Variants in SPAG1 observed in about 807,000 individuals in gnomAD.
SPAG1 encodes the protein sperm-associated antigen 1.
Under a neutral mutation model 100.5 loss-of-function variants are expected in SPAG1, and 69 were observed. The ratio of observed to expected loss-of-function variants is 0.69; its 90% CI spans 0.57 to 0.84. The LOEUF (loss-of-function observed/expected upper bound fraction) is 0.84. Among genes scored for constraint, SPAG1 ranks in the 40% least tolerant of loss-of-function variants. SPAG1 has a pLI of 0.00. For missense variants in SPAG1, 955 were observed against 1,133.1 expected, an observed-to-expected ratio of 0.84 and a Z score of 2.26; for synonymous variants, 336 against 411.6, an observed-to-expected ratio of 0.82 and a Z score of 2.22.
At chr8:100,201,768 C>T (rs547856185) in intron 10 of SPAG1, among the ~76,000 whole-genome samples, 2 of 152,244 alleles carry the variant, frequency 1.3e-5, no homozygotes, top group East Asian at 1.9e-4. Context: ...CTGCCACATA[C>T]TCTGAGGGAA....
chr8:100,205,169 A>C (rs1817453939), intron 10 of SPAG1, among the ~76,000 whole-genome samples: 1 of 152,236 alleles, frequency 6.6e-6, no homozygotes, highest in South Asian at 2.1e-4. Flanking sequence ...GCCAGTTTGC[A>C]GACCCAGAAC....
rs1197555183 is a variant in SPAG1, at chr8:100,194,116, C to A, written c.944C>A (p.Thr315Asn). The part of the protein sequence containing the change: ...VEPDNDLAKK[T>N]LSEVERDLKN... Reference sequence around the variant, plus strand: ...AATATGGTAATTATGTTGCAGAAAACCTTGTCAGAGGTTGAAAGAGATCTG... The same window carrying A: ...AATATGGTAATTATGTTGCAGAAAAACTTGTCAGAGGTTGAAAGAGATCTG... The change falls in exon 10 of 19, where the codon ACC becomes AAC. Residue 315 changes from threonine (T) to asparagine (N), a missense_variant. Physicochemically the swap from Thr to Asn is moderately conservative, Grantham distance 65 (BLOSUM62 0). Transcript: ENST00000388798. 2.6e-6 allele frequency: 4 copies of A among 1,510,560 alleles called. No individual in the cohort carries two copies. The highest frequency in any genetic ancestry group is 3.6e-6 in the Non-Finnish European group (4 of 1,119,362). 93.6% of individuals were successfully genotyped at this position (1,510,560 alleles called of 1,614,324 possible).
chr8:100,161,268 A>G (rs956138260), intron 1 of SPAG1, among the ~76,000 whole-genome samples: 13 of 152,144 alleles, frequency 8.5e-5, no homozygotes, highest in African/African-American at 3.1e-4. Flanking sequence ...CACCGAGTCC[A>G]GAAGGTCAGG....
intron 2 of SPAG1, among the ~76,000 whole-genome samples, chr8:100,164,143 T>G (rs2132191317): frequency 6.6e-6 from 1 of 152,310 alleles, no homozygotes; most frequent in Non-Finnish European, 1.5e-5. Context: ...GTGTTTTGTT[T>G]AAGCTGTTTA....
intron 12 of SPAG1, among the ~76,000 whole-genome samples, chr8:100,216,405 A>C (rs1817987862): frequency 6.6e-6 from 1 of 152,284 alleles, no homozygotes; most frequent in African/African-American, 2.4e-5. Flanking sequence ...AGATCCTCTA[A>C]GGTGATTAAC....
intron 4 of SPAG1, among the ~76,000 whole-genome samples, chr8:100,182,054 T>C (rs1816390113): frequency 6.6e-6 from 1 of 152,208 alleles, no homozygotes; most frequent in Non-Finnish European, 1.5e-5. Flanking sequence ...AGAATGAAGA[T>C]ATGTAATAGT....
intron 3 of SPAG1, among the ~76,000 whole-genome samples, chr8:100,176,435 G>A (rs149968518): frequency 1.3e-5 from 2 of 150,198 alleles, no homozygotes; most frequent in East Asian, 2.0e-4. Context: ...GTGCAATCTC[G>A]GCTCGCTACA....
In SPAG1 at chr8:100,241,146, C is replaced by G. The variant is rs137881115; in HGVS notation, c.*124C>G. On this transcript the variant is annotated 3_prime_UTR_variant, in exon 19 of 19. Coordinates refer to ENST00000388798, the MANE Select transcript of SPAG1 (RefSeq NM_003114.5). This position sits in a 1 kb window ranked among gnomAD's most constrained non-coding sequence, Gnocchi z 5.1. The stretch of plus-strand genomic sequence containing the variant: ...GAAAAGTTTGGTCTGCACTATAAAA[C>G]ATTTTACTTATTTTCCTACATAGAA... 2.6e-3 allele frequency: 2,059 copies of G among 803,760 alleles called. 11 individuals are homozygous for G. The highest frequency in any genetic ancestry group is 0.013 in the Middle Eastern group (35 of 2,770). 49.8% of individuals were successfully genotyped at this position (803,760 alleles called of 1,614,324 possible).
chr8:100,214,841 C>T (rs1367637022), intron 12 of SPAG1, among the ~76,000 whole-genome samples: 1 of 151,364 alleles, frequency 6.6e-6, no homozygotes, highest in Admixed American at 6.6e-5. Context: ...TTAGCTGGGC[C>T]TGGTGGCATA....
In SPAG1 at chr8:100,241,198, A is replaced by G. The variant is rs1819257959; in HGVS notation, c.*176A>G. 6 of 453,244 alleles carry G rather than the reference A, an allele frequency of 1.3e-5. No homozygotes were observed. In the Admixed American group the frequency reaches 2.0e-4, roughly 15 times the overall value. 28.1% of individuals were successfully genotyped at this position (453,244 alleles called of 1,614,324 possible). A position where few individuals can be genotyped will look rare whatever the true frequency, so the allele number is the denominator to read the frequency against. The stretch of plus-strand genomic sequence containing the variant: ...ATGTATATTCTACAATCTGCTTTTT[A>G]TTAGTTGTAAATATTTTCTTATGTA... On this transcript the variant is annotated 3_prime_UTR_variant, in exon 19 of 19. Coordinates refer to ENST00000388798, the MANE Select transcript of SPAG1 (RefSeq NM_003114.5). The surrounding 1 kb of genome is among the most constrained non-coding windows in gnomAD (Gnocchi z 5.1).
At chr8:100,232,329 C>G (rs954218532) in intron 15 of SPAG1, among the ~76,000 whole-genome samples, 1 of 152,088 alleles carries the variant, frequency 6.6e-6, no homozygotes, top group Non-Finnish European at 1.5e-5. Context: ...CCCTAGAATT[C>G]TCATAGTTCT....
At chr8:100,165,691 TG>T in intron 2 of SPAG1, 122 bp from the exon 3 acceptor site, 1 of 653,182 alleles carries the variant, frequency 1.5e-6, no homozygotes, top group Non-Finnish European at 2.6e-6. Flanking sequence ...GGAAAGAGAC[TG>T]GGAAGCAGCC....
intron 3 of SPAG1, 52 bp downstream of exon 3, chr8:100,166,025 G>T: frequency 6.9e-7 from 1 of 1,457,496 alleles, no homozygotes; most frequent in Non-Finnish European, 9.4e-7. Flanking sequence ...TTCTATATAT[G>T]TTTACTTCAC....
At chr8:100,200,388 A>G (rs1285332452) in intron 10 of SPAG1, among the ~76,000 whole-genome samples, 1 of 152,212 alleles carries the variant, frequency 6.6e-6, no homozygotes, top group Non-Finnish European at 1.5e-5. Context: ...GCTATTGTGA[A>G]TAGTGCCACA....
chr8:100,181,307 G>C lies in SPAG1; in HGVS notation c.427-2068G>C, dbSNP rs146913240. On this transcript the variant is annotated intron_variant, in intron 4 of 18. Coordinates refer to ENST00000388798, the MANE Select transcript of SPAG1 (RefSeq NM_003114.5). ...ACATTTTGATATATCTACACATTTT[G>C]AAATGCTTACCACAGTCAAGCCAAT... Among the ~76,000 whole-genome samples, 139 of 152,114 alleles carry C rather than the reference G, an allele frequency of 9.1e-4. 2 individuals carry two copies. The East Asian group carries it at 0.026, about 29-fold the overall frequency.
intron 10 of SPAG1, among the ~76,000 whole-genome samples, chr8:100,202,608 G>A (rs1817329510): frequency 1.3e-5 from 2 of 149,286 alleles, no homozygotes; most frequent in Non-Finnish European, 3.0e-5. Flanking sequence ...TACTCGGGAG[G>A]CTGAGGCAGG....
chr8:100,228,581 C>T (rs1041077574), intron 14 of SPAG1, among the ~76,000 whole-genome samples: 1 of 151,902 alleles, frequency 6.6e-6, no homozygotes, highest in Admixed American at 6.6e-5. Context: ...AGCATGGTAG[C>T]ATGCCCCTGT....
chr8:100,233,484 G>A lies in SPAG1; in HGVS notation c.2062G>A (p.Asp688Asn), dbSNP rs778925609. 2 of 1,613,994 alleles carry A rather than the reference G, an allele frequency of 1.2e-6. No individual in the cohort carries two copies. Among genetic ancestry groups the A allele is most frequent in the East Asian group, 2.2e-5 (1 of 44,892 alleles). ...CTGTGATCAGGCACTTCAGCTAGCT[G>A]ATGGGAACGTGAAAGCCTTCTATAG... ...QDCDQALQLA[D>N]GNVKAFYRRA... Residue 688 changes from aspartate (D) to asparagine (N), a missense_variant, in exon 16 of 19, where the codon GAT becomes AAT. Transcript: ENST00000388798.
chr8:100,184,038 A>G lies in SPAG1; in HGVS notation c.571A>G (p.Ile191Val). Residue 191 changes from isoleucine to valine, a missense_variant, in exon 6 of 19, where the codon ATT becomes GTT. Coordinates refer to ENST00000388798, the MANE Select transcript of SPAG1 (RefSeq NM_003114.5). ...TVIDKSHLSK[I>V]ETRIDTAGLT... ...AATAGACAAGTCACACTTGTCTAAA[A>G]TTGAGACAAGAATAGATACAGCAGG... The G allele has an allele frequency of 6.6e-7, 1 of 1,506,370 alleles. No homozygotes were observed. 93.3% of individuals were successfully genotyped at this position (1,506,370 alleles called of 1,614,324 possible).
Sources: gnomAD v4.1 joint callset for allele counts (sites outside exome capture counted in the v4.1 genomes callset) on GRCh38, gnomAD v4.1.1 for gene constraint, Gnocchi (gnomAD v3.1) non-coding constraint, MANE v1.5 for transcripts, NCBI Gene and HGNC (gene_info 2026-07-23, HGNC 2026-07-21) for gene names.